The following MAN1A2 variants were observed in gnomAD, a reference collection of about 807,000 sequenced individuals.
The protein encoded by MAN1A2 is mannosidase alpha class 1A member 2, also known as mannosyl-oligosaccharide 1,2-alpha-mannosidase IB.
A neutral mutation model predicts 75.7 loss-of-function variants in MAN1A2; 26 were observed. That is an observed-to-expected ratio of 0.34 (90% CI 0.25 to 0.48). The LOEUF (loss-of-function observed/expected upper bound fraction) is 0.48, where lower values mean the gene tolerates loss of function less well. MAN1A2 is among the 20% of genes least tolerant of loss of function. MAN1A2 has a pLI of 0.99. For missense variants in MAN1A2, 562 were observed against 775.5 expected (o/e 0.72, Z 3.27); for synonymous variants, 247 against 264.6 (o/e 0.93, Z 0.65).
chr1:117,466,663 A>G (rs957081435), intron 8 of MAN1A2, among the ~76,000 whole-genome samples: 2 of 152,164 alleles, frequency 1.3e-5, no homozygotes, highest in Non-Finnish European at 2.9e-5. Flanking sequence ...CTGTATTGCT[A>G]AAATATAGTG....
At chr1:117,480,785 A>G (rs1301799660) in intron 8 of MAN1A2, among the ~76,000 whole-genome samples, 1 of 151,866 alleles carries the variant, frequency 6.6e-6, no homozygotes, top group Non-Finnish European at 1.5e-5. Flanking sequence ...AAACTTGTGT[A>G]CTTTCACTAC....
At chr1:117,480,518 C>G (rs1348124725) in intron 8 of MAN1A2, among the ~76,000 whole-genome samples, 1 of 151,758 alleles carries the variant, frequency 6.6e-6, no homozygotes, top group Non-Finnish European at 1.5e-5. Context: ...GTACCCATTA[C>G]TCTATTTTAG....
chr1:117,407,615 TA>T (rs1044682511), intron 3 of MAN1A2, among the ~76,000 whole-genome samples: 2 of 152,208 alleles, frequency 1.3e-5, no homozygotes, highest in African/African-American at 4.8e-5. Flanking sequence ...GTAACTGAGA[TA>T]GGGGCTCCTC....
Position 117,368,316 on chromosome 1 carries a change from G to A in MAN1A2, c.133G>A (p.Ala45Thr), listed in dbSNP as rs1652838418. The change falls in exon 1 of 13, where the codon GCC becomes ACC. Residue 45 changes from alanine to threonine, a missense_variant. Physicochemically the swap from Ala to Thr is moderately conservative, Grantham distance 58. This residue lies in a region of MAN1A2 where 128 missense variants were observed against 129.8 expected (regional missense o/e 0.99). Coordinates refer to ENST00000356554, the MANE Select transcript of MAN1A2 (RefSeq NM_006699.5). ...GTTTATTCTTCTCCTTATTCTTAGT[G>A]CCTTCATCACTCTGTGTTTTGGGGC... ...EKFILLLILS[A>T]FITLCFGAFF... 2 of 1,613,916 alleles carry A rather than the reference G, an allele frequency of 1.2e-6. No individual in the cohort carries two copies. Among genetic ancestry groups the A allele is most frequent in the African/African-American group, 2.7e-5 (2 of 74,852 alleles).
At chr1:117,479,953 G>C (rs1030984096) in intron 8 of MAN1A2, among the ~76,000 whole-genome samples, 1 of 151,816 alleles carries the variant, frequency 6.6e-6, no homozygotes, top group Non-Finnish European at 1.5e-5. Context: ...CTGGTGCATT[G>C]CTCAGTGAGG....
intron 12 of MAN1A2, among the ~76,000 whole-genome samples, chr1:117,512,813 C>T (rs892902363): frequency 1.1e-4 from 16 of 143,130 alleles, no homozygotes; most frequent in African/African-American, 4.2e-4. Context: ...AATTTCACTT[C>T]TACTATTTAA....
rs372300456 is a variant in MAN1A2 at position 117,458,523 on chromosome 1, A to AGATTT, written c.951-1966_951-1965insGATTT. ...TATATATATATATAGATATATATAT[A>AGATTT]TTTTTTTTTTTTTTTTTGAGACAGA... On this transcript the variant is annotated intron_variant, in intron 6 of 12. Transcript: ENST00000356554. Among the ~76,000 whole-genome samples, 17 of 105,618 alleles carry AGATTT rather than the reference A, an allele frequency of 1.6e-4. No homozygotes were observed. In the East Asian group the frequency reaches 2.4e-3, roughly 15 times the overall value. 69.3% of individuals were successfully genotyped at this position (105,618 alleles called of 152,430 possible).
At chr1:117,378,308 C>A (rs942069765) in intron 1 of MAN1A2, among the ~76,000 whole-genome samples, 3 of 152,074 alleles carry the variant, frequency 2.0e-5, no homozygotes, top group African/African-American at 7.2e-5. Context: ...TTTTATATTT[C>A]CATAACGTGT....
At chr1:117,391,821 T>G (rs1335502473) in intron 1 of MAN1A2, among the ~76,000 whole-genome samples, 1 of 152,186 alleles carries the variant, frequency 6.6e-6, no homozygotes, top group Non-Finnish European at 1.5e-5. Context: ...CTTTCTTTCT[T>G]TGTTCTTGGT....
chr1:117,461,287 A>G (rs1209543416), intron 7 of MAN1A2, among the ~76,000 whole-genome samples: 1 of 152,182 alleles, frequency 6.6e-6, no homozygotes, highest in Non-Finnish European at 1.5e-5. Context: ...TGTTAAGTGA[A>G]ATAAGCCAAG....
chr1:117,403,581 C>T (rs570914399), intron 2 of MAN1A2, among the ~76,000 whole-genome samples: 2 of 152,290 alleles, frequency 1.3e-5, no homozygotes, highest in East Asian at 1.9e-4. Context: ...GAAGTACCCA[C>T]GGAACTCAGC....
At chr1:117,416,306 G>A (rs1232341705) in intron 4 of MAN1A2, among the ~76,000 whole-genome samples, 1 of 151,900 alleles carries the variant, frequency 6.6e-6, no homozygotes, top group Non-Finnish European at 1.5e-5. Context: ...TTTTTTATAA[G>A]AAGCTTGATG....
chr1:117,526,862 CTCTCTCTCTCTCTCTCTCTA>C lies in MAN1A2; in HGVS notation c.*3907_*3926del, dbSNP rs1183540707. 17 of 95,322 alleles carry C rather than the reference CTCTCTCTCTCTCTCTCTCTA, an allele frequency of 1.8e-4. No homozygotes were observed. Among genetic ancestry groups the C allele is most frequent in the Non-Finnish European group, 2.6e-4 (12 of 46,876 alleles). The allele number at this position is 95,322 out of a possible 1,614,324, so 5.9% of individuals were successfully genotyped here. On this transcript the variant is annotated 3_prime_UTR_variant, in exon 13 of 13. Transcript: ENST00000356554. ...TTTTCCTCTCTCTCTCTCTCTCTCT[CTCTCTCTCTCTCTCTCTCTA>C]TATATATATATATATATATATATAT...
At chr1:117,437,006 T>A (rs1220979808) in intron 5 of MAN1A2, among the ~76,000 whole-genome samples, 1 of 152,176 alleles carries the variant, frequency 6.6e-6, no homozygotes, top group Non-Finnish European at 1.5e-5. Flanking sequence ...TGTGAATGTG[T>A]TTCTGTCTCT....
chr1:117,423,581 A>G (rs921571401), intron 5 of MAN1A2, among the ~76,000 whole-genome samples: 2 of 152,110 alleles, frequency 1.3e-5, no homozygotes, highest in Non-Finnish European at 2.9e-5. Context: ...AAATTTATAC[A>G]TATTTCATGT....
chr1:117,429,666 C>T (rs1557946547), intron 5 of MAN1A2, among the ~76,000 whole-genome samples: 1 of 104,522 alleles, frequency 9.6e-6, no homozygotes, highest in Non-Finnish European at 2.0e-5. Flanking sequence ...CGGGCAGAGG[C>T]GCCCCTCACC....
At chr1:117,383,494 T>A (rs1478400608) in intron 1 of MAN1A2, among the ~76,000 whole-genome samples, 1 of 152,174 alleles carries the variant, frequency 6.6e-6, no homozygotes, top group African/African-American at 2.4e-5. Context: ...AAATCATTCC[T>A]CCTCTGTTGT....
chr1:117,407,041 A>G (rs1015710308), intron 3 of MAN1A2, among the ~76,000 whole-genome samples: 10 of 152,236 alleles, frequency 6.6e-5, no homozygotes, highest in East Asian at 3.9e-4. Flanking sequence ...TAAACTTTAA[A>G]GGTAGAAGAA....
intron 3 of MAN1A2, among the ~76,000 whole-genome samples, 167 bp from the exon 4 acceptor site, chr1:117,414,546 A>G (rs1429840283): frequency 1.3e-5 from 2 of 151,758 alleles, no homozygotes; most frequent in South Asian, 2.1e-4. Flanking sequence ...AAAGGGAACA[A>G]TATTGGGTAT....
Sources: allele counts gnomAD v4.1 joint callset (sites outside exome capture counted in the v4.1 genomes callset), GRCh38; gene constraint gnomAD v4.1.1; regional missense constraint gnomAD v4.1.1; transcripts MANE v1.5; gene names NCBI Gene and HGNC (gene_info 2026-07-23, HGNC 2026-07-21).